Variants in SNTG1 observed in about 807,000 individuals in gnomAD.
SNTG1 encodes syntrophin gamma 1, also known as gamma-1-syntrophin.
In SNTG1, 39 loss-of-function variants were observed where a neutral mutation model predicts 74.7. The observed-to-expected ratio is 0.52, with a 90% CI of 0.40 to 0.68. SNTG1 has a LOEUF of 0.68. SNTG1 is among the 30% of genes least tolerant of loss of function. The probability of loss-of-function intolerance (pLI) is 0.00; values close to 1 mark genes in which losing one functional copy is unlikely to be tolerated. For synonymous variants in SNTG1, 254 were observed against 217.1 expected, an observed-to-expected ratio of 1.17 and a Z score of -1.49; for missense variants, 685 against 609.5, an observed-to-expected ratio of 1.12 and a Z score of -1.30.
At chr8:50,480,012 A>C (rs2093726997) in intron 8 of SNTG1, among the ~76,000 whole-genome samples, 1 of 152,194 alleles carries the variant, frequency 6.6e-6, no homozygotes, top group Non-Finnish European at 1.5e-5. Context: ...AACTGTGGAG[A>C]CTTTAAAATA....
At chr8:50,317,387 G>C (rs569070516) in intron 2 of SNTG1, among the ~76,000 whole-genome samples, 22 of 152,250 alleles carry the variant, frequency 1.4e-4, no homozygotes, top group African/African-American at 5.1e-4. Context: ...AAAGTGCAAG[G>C]TTATTTTCTA....
At chr8:50,103,596 T>A (rs1428200182) in intron 1 of SNTG1, among the ~76,000 whole-genome samples, 2 of 152,176 alleles carry the variant, frequency 1.3e-5, no homozygotes, top group East Asian at 1.9e-4. Flanking sequence ...TCCAACACTA[T>A]GTTGAATAGG....
intron 17 of SNTG1, among the ~76,000 whole-genome samples, chr8:50,736,882 G>A (rs769326617): frequency 5.9e-5 from 9 of 151,844 alleles, no homozygotes; most frequent in Non-Finnish European, 8.8e-5. Flanking sequence ...AAGACACAAC[G>A]TACCGGAATC....
chr8:49,938,257 T>C (rs1468219025), intron 1 of SNTG1, among the ~76,000 whole-genome samples: 1 of 152,212 alleles, frequency 6.6e-6, no homozygotes, highest in Non-Finnish European at 1.5e-5. Flanking sequence ...ATATGATCAT[T>C]GCCCATGATG....
chr8:50,259,779 A>G (rs1006733100), intron 2 of SNTG1, among the ~76,000 whole-genome samples: 1 of 152,162 alleles, frequency 6.6e-6, no homozygotes, highest in Non-Finnish European at 1.5e-5. Context: ...AACTGAGACA[A>G]TAGGAGAAAT....
At chr8:50,530,705 T>A (rs1457803538) in intron 10 of SNTG1, among the ~76,000 whole-genome samples, 1 of 152,212 alleles carries the variant, frequency 6.6e-6, no homozygotes, top group Non-Finnish European at 1.5e-5. Flanking sequence ...AAAATCCAAT[T>A]CACACATTAT....
intron 4 of SNTG1, among the ~76,000 whole-genome samples, chr8:50,428,337 A>G (rs1172084439): frequency 6.6e-6 from 1 of 152,108 alleles, no homozygotes; most frequent in Non-Finnish European, 1.5e-5. Flanking sequence ...CAATAAAAGA[A>G]TAGAACAGGG....
chr8:50,694,642 G>C (rs886924994), intron 15 of SNTG1, among the ~76,000 whole-genome samples: 3 of 151,942 alleles, frequency 2.0e-5, no homozygotes, highest in African/African-American at 7.2e-5. Flanking sequence ...GAAAATTATA[G>C]GCCAACACAC....
intron 17 of SNTG1, among the ~76,000 whole-genome samples, chr8:50,732,775 T>C (rs2095516053): frequency 1.3e-5 from 2 of 152,024 alleles, no homozygotes; most frequent in African/African-American, 4.8e-5. Flanking sequence ...CAGTGATCTT[T>C]ACTAATATAA....
chr8:50,536,870 C>A (rs1162637294), intron 11 of SNTG1, 62 bp downstream of exon 11: 1 of 1,588,118 alleles, frequency 6.3e-7, no homozygotes, highest in Non-Finnish European at 8.6e-7. Context: ...TTTTAGAAAA[C>A]CTTTTGACAT....
In SNTG1 at chr8:50,053,623, T is replaced by TTGTGTGTGTGTGTGTGTGTGTG. The variant is rs60947505; in HGVS notation, c.-102-118924_-102-118903dup. The stretch of plus-strand genomic sequence containing the variant: ...TATGCATATATATAAATATATATAA[T>TTGTGTGTGTGTGTGTGTGTGTG]TGTGTGTGTGTGTGTGTGTGTGTGT... On this transcript the variant is annotated intron_variant, in intron 1 of 18. Coordinates refer to ENST00000642720, the MANE Select transcript of SNTG1 (RefSeq NM_018967.5). Among the ~76,000 whole-genome samples, 116 of 134,458 alleles carry TTGTGTGTGTGTGTGTGTGTGTG rather than the reference T, an allele frequency of 8.6e-4. 2 individuals carry two copies. The East Asian group carries it at 0.011, about 13-fold the overall frequency. 88.2% of individuals were successfully genotyped at this position (134,458 alleles called of 152,430 possible). A position where few individuals can be genotyped will look rare whatever the true frequency, so the allele number is the denominator to read the frequency against.
intron 1 of SNTG1, among the ~76,000 whole-genome samples, chr8:49,955,880 C>G (rs892563082): frequency 2.6e-5 from 4 of 152,158 alleles, no homozygotes; most frequent in Non-Finnish European, 4.4e-5. Flanking sequence ...GGGCAGTAAG[C>G]TCTGAGAAGC....
intron 8 of SNTG1, among the ~76,000 whole-genome samples, chr8:50,490,216 C>G (rs2093838738): frequency 6.6e-6 from 1 of 152,126 alleles, no homozygotes; most frequent in South Asian, 2.1e-4. Flanking sequence ...ATGCCTCCAG[C>G]TTTGTTCTTT....
chr8:49,915,388 A>G (rs1163661617), intron 1 of SNTG1, among the ~76,000 whole-genome samples: 1 of 152,212 alleles, frequency 6.6e-6, no homozygotes, highest in Non-Finnish European at 1.5e-5. Context: ...TTACTAAATA[A>G]CAGGCACATC....
intron 1 of SNTG1, among the ~76,000 whole-genome samples, chr8:49,962,307 T>TG (rs971391806): frequency 6.7e-6 from 1 of 149,562 alleles, no homozygotes; most frequent in Admixed American, 6.8e-5. Flanking sequence ...GGTTCTTTTT[T>TG]GGGGGGCGGG....
intron 13 of SNTG1, chr8:50,644,503 G>T (rs2131191796): frequency 6.6e-6 from 1 of 152,114 alleles, no homozygotes; most frequent in African/African-American, 2.4e-5. Flanking sequence ...ATTTTCTCTA[G>T]CTTACTTTAT....
intron 2 of SNTG1, among the ~76,000 whole-genome samples, chr8:50,390,466 C>A (rs999513156): frequency 7.9e-5 from 12 of 152,190 alleles, no homozygotes; most frequent in Non-Finnish European, 1.5e-4. Context: ...GTTTTAGTTA[C>A]TGTAACTTTG....
intron 1 of SNTG1, among the ~76,000 whole-genome samples, chr8:50,020,465 A>G (rs893023503): frequency 3.3e-5 from 5 of 152,194 alleles, no homozygotes; most frequent in Admixed American, 1.3e-4. Flanking sequence ...AGTAAACTTT[A>G]TATGTACAAT....
chr8:50,442,307 T>A (rs1376429798), intron 5 of SNTG1, among the ~76,000 whole-genome samples: 1 of 152,166 alleles, frequency 6.6e-6, no homozygotes, highest in Non-Finnish European at 1.5e-5. Context: ...CATAATATAA[T>A]GAGATGAAAT....
Sources: allele counts gnomAD v4.1 joint callset (sites outside exome capture counted in the v4.1 genomes callset), GRCh38; gene constraint gnomAD v4.1.1; transcripts MANE v1.5; gene names NCBI Gene and HGNC (gene_info 2026-07-23, HGNC 2026-07-21).